Variants in NAV3 observed in about 807,000 individuals in gnomAD.
The protein encoded by NAV3 is neuron navigator 3, also known as pore membrane and/or filament interacting like protein 1.
In NAV3, 87 loss-of-function variants were observed where a neutral mutation model predicts 244.7. The observed-to-expected ratio is 0.36, with a 90% CI of 0.30 to 0.42. The LOEUF (loss-of-function observed/expected upper bound fraction) is 0.42. Among genes scored for constraint, NAV3 ranks in the 20% least tolerant of loss-of-function variants. The pLI, the probability that NAV3 is intolerant of heterozygous loss-of-function variation, is 1.00. For missense variants in NAV3, 2,663 were observed against 2,893.3 expected, an observed-to-expected ratio of 0.92 and a Z score of 1.83; for synonymous variants, 1,126 against 1,042.2, an observed-to-expected ratio of 1.08 and a Z score of -1.55.
chr12:77,819,126 C>T (rs1592710275), intron 2 of NAV3, among the ~76,000 whole-genome samples: 1 of 152,028 alleles, frequency 6.6e-6, no homozygotes, highest in South Asian at 2.1e-4. Flanking sequence ...GAGAAGGAAA[C>T]TGCTGGATTT....
intron 2 of NAV3, among the ~76,000 whole-genome samples, chr12:77,822,322 T>C (rs1872778454): frequency 6.6e-6 from 1 of 152,200 alleles, no homozygotes; most frequent in Non-Finnish European, 1.5e-5. Context: ...ATTTAATCCC[T>C]TGTACTCATC....
In NAV3 at chr12:77,895,309, T is replaced by TTGTGTGTGTGTGTGTGTGTG. The variant is rs71440496; in HGVS notation, c.244-45000_244-44981dup. 2.6e-4 allele frequency among the ~76,000 whole-genome samples: 39 copies of TTGTGTGTGTGTGTGTGTGTG among 148,568 alleles called. No homozygotes were observed. The South Asian group carries it at 3.7e-3, about 14-fold the overall frequency. ...TAATTTTAAAATAGGTTTAGAATGA[T>TTGTGTGTGTGTGTGTGTGTG]TGTGTGTGTGTGTGTGTGTGTGTGT... is the stretch of plus-strand genomic sequence containing the variant. On this transcript the variant is annotated intron_variant, in intron 1 of 39. Coordinates refer to ENST00000397909, the MANE Select transcript of NAV3 (RefSeq NM_001024383.2).
intron 2 of NAV3, among the ~76,000 whole-genome samples, chr12:77,799,641 G>A (rs1005993140): frequency 6.6e-6 from 1 of 151,984 alleles, no homozygotes; most frequent in East Asian, 1.9e-4. Flanking sequence ...TCCTGCCATA[G>A]CCCTTTTATT....
chr12:78,098,838 C>A (rs11108313), intron 12 of NAV3, among the ~76,000 whole-genome samples: 1 of 151,458 alleles, frequency 6.6e-6, no homozygotes, highest in Non-Finnish European at 1.5e-5. Context: ...TATAGAAAAA[C>A]TCAGTCTCAC....
At chr12:77,969,978 G>C (rs920194173) in intron 5 of NAV3, among the ~76,000 whole-genome samples, 1 of 152,106 alleles carries the variant, frequency 6.6e-6, no homozygotes, top group African/African-American at 2.4e-5. Context: ...AACTAGACTA[G>C]TATTTGAAGG....
intron 2 of NAV3, among the ~76,000 whole-genome samples, chr12:77,621,984 G>A (rs563873727): frequency 2.0e-5 from 3 of 152,256 alleles, no homozygotes; most frequent in African/African-American, 7.2e-5. Context: ...ACTGGGGATG[G>A]TAGACATATT....
intron 2 of NAV3, among the ~76,000 whole-genome samples, chr12:77,669,008 C>G (rs148648634): frequency 6.6e-6 from 1 of 152,088 alleles, no homozygotes; most frequent in Non-Finnish European, 1.5e-5. Flanking sequence ...CCTCCTTAAA[C>G]GAAACAATTA....
At chr12:77,638,082 G>A (rs1195536036) in intron 2 of NAV3, among the ~76,000 whole-genome samples, 2 of 149,906 alleles carry the variant, frequency 1.3e-5, no homozygotes, top group Non-Finnish European at 3.0e-5. Context: ...TGTCTATAGG[G>A]ATTTCTTTAG....
intron 1 of NAV3, among the ~76,000 whole-genome samples, chr12:77,873,004 G>A (rs1229484611): frequency 6.6e-6 from 1 of 152,186 alleles, no homozygotes. Context: ...ATGGGGTGGG[G>A]ATTTTCCCAT....
At chr12:77,829,719 T>C (rs567771211), upstream of NAV3, among the ~76,000 whole-genome samples, 407 of 152,352 alleles carry the variant, frequency 2.7e-3, 4 homozygotes, top group Non-Finnish European at 4.3e-3. Context: ...GCAAGACTTC[T>C]AACTTACATT....
intron 23 of NAV3, among the ~76,000 whole-genome samples, chr12:78,162,479 T>C (rs1408677141): frequency 6.6e-6 from 1 of 152,042 alleles, no homozygotes; most frequent in Non-Finnish European, 1.5e-5. Flanking sequence ...ATATTCCTCA[T>C]GGAGTTTATA....
intron 2 of NAV3, among the ~76,000 whole-genome samples, chr12:77,797,398 A>G (rs1277579915): frequency 2.6e-5 from 4 of 152,096 alleles, no homozygotes; most frequent in East Asian, 1.9e-4. Context: ...TTCATTATGT[A>G]TATATTAAAC....
chr12:78,145,836 A>T (rs895469942), intron 20 of NAV3, among the ~76,000 whole-genome samples: 1 of 152,172 alleles, frequency 6.6e-6, no homozygotes, highest in African/African-American at 2.4e-5. Flanking sequence ...GTAGAAGTAA[A>T]TAATGTTAAT....
intron 1 of NAV3, among the ~76,000 whole-genome samples, chr12:77,872,907 G>T (rs1452358836): frequency 6.6e-6 from 1 of 152,026 alleles, no homozygotes; most frequent in Non-Finnish European, 1.5e-5. Flanking sequence ...ATATGGTTTG[G>T]CTGTGTCCCC....
intron 2 of NAV3, among the ~76,000 whole-genome samples, chr12:77,667,249 G>A (rs984803452): frequency 1.3e-5 from 2 of 152,060 alleles, no homozygotes; most frequent in Non-Finnish European, 2.9e-5. Context: ...CAGGAAAGGC[G>A]AGAGAATCCA....
intron 23 of NAV3, among the ~76,000 whole-genome samples, chr12:78,160,494 T>A (rs73147973): frequency 2.2e-4 from 33 of 151,926 alleles, no homozygotes; most frequent in Admixed American, 3.9e-4. Flanking sequence ...AGAGACCCAT[T>A]ATATCAAAAG....
intron 2 of NAV3, among the ~76,000 whole-genome samples, chr12:77,686,677 A>C (rs1441501772): frequency 6.6e-6 from 1 of 151,968 alleles, no homozygotes; most frequent in African/African-American, 2.4e-5. Context: ...GAGGGAACTG[A>C]GCACAAATGG....
intron 2 of NAV3, among the ~76,000 whole-genome samples, chr12:77,735,439 G>T (rs1167935241): frequency 6.6e-6 from 1 of 152,096 alleles, no homozygotes; most frequent in Non-Finnish European, 1.5e-5. Context: ...CTCAGAAATG[G>T]TTAGCTAGAT....
intron 5 of NAV3, among the ~76,000 whole-genome samples, chr12:77,977,492 A>G (rs938710620): frequency 1.3e-5 from 2 of 151,054 alleles, no homozygotes; most frequent in Admixed American, 1.3e-4. Context: ...TAAAACCTGG[A>G]TATTAAAACT....
Sources: gnomAD v4.1 joint callset for allele counts (sites outside exome capture counted in the v4.1 genomes callset) on GRCh38, gnomAD v4.1.1 for gene constraint, MANE v1.5 for transcripts, NCBI Gene and HGNC (gene_info 2026-07-23, HGNC 2026-07-21) for gene names.